The following DMD variants were observed in gnomAD, a reference collection of about 807,000 sequenced individuals.
The protein encoded by DMD is mutant dystrophin.
Under a neutral mutation model 330.1 loss-of-function variants are expected in DMD, and 63 were observed. The ratio of observed to expected loss-of-function variants is 0.19; its 90% CI spans 0.16 to 0.24. DMD has a LOEUF of 0.24. DMD is among the 10% of genes least tolerant of loss of function. DMD has a pLI of 1.00. For missense variants in DMD, 3,344 were observed against 2,684.1 expected (o/e 1.25, Z -5.43); for synonymous variants, 1,223 against 959.8 (o/e 1.27, Z -5.07).
intron 34 of DMD, among the ~76,000 whole-genome samples, chrX:32,374,726 T>C (rs1240378847): frequency 1.8e-5 from 2 of 111,565 alleles, no homozygotes; most frequent in African/African-American, 6.5e-5. Flanking sequence ...ATATTTTAAG[T>C]GGGGCAATGT....
At chrX:32,942,313 C>T (rs1419773072) in intron 2 of DMD, among the ~76,000 whole-genome samples, 1 of 112,036 alleles carries the variant, frequency 8.9e-6, no homozygotes, top group Non-Finnish European at 1.9e-5. Flanking sequence ...GAGGCCGAGG[C>T]GGGTGGATCA....
At chrX:33,220,943 A>G (rs1408839831) in intron 1 of DMD, among the ~76,000 whole-genome samples, 1 of 111,883 alleles carries the variant, frequency 8.9e-6, no homozygotes, top group Admixed American at 9.5e-5. Flanking sequence ...GTTTAGTGAT[A>G]TCAGTTGGAA....
intron 7 of DMD, among the ~76,000 whole-genome samples, chrX:32,701,457 C>T (rs992441585): frequency 9.0e-6 from 1 of 111,653 alleles, no homozygotes; most frequent in African/African-American, 3.2e-5. Context: ...ATCTTACAAA[C>T]TTAGCTTTGG....
intron 29 of DMD, among the ~76,000 whole-genome samples, chrX:32,417,798 T>G (rs986161511): frequency 7.5e-5 from 8 of 106,545 alleles, no homozygotes; most frequent in Non-Finnish European, 7.7e-5. Context: ...GTACCCCAAA[T>G]AAACCCGAAC....
intron 47 of DMD, among the ~76,000 whole-genome samples, chrX:31,915,364 C>T (rs185905688): frequency 8.9e-5 from 10 of 112,068 alleles, no homozygotes; most frequent in South Asian, 7.4e-4. Context: ...GCAGAGACTA[C>T]GTACCTAGGC....
intron 41 of DMD, 35 bp downstream of exon 41, chrX:32,342,065 C>A (rs767821990): frequency 4.2e-5 from 50 of 1,183,849 alleles, no homozygotes; most frequent in Non-Finnish European, 5.4e-5. Context: ...GTAGTAGTTG[C>A]AAACACATAC....
At chrX:32,864,476 A>G (rs762281464) in intron 2 of DMD, among the ~76,000 whole-genome samples, 5 of 112,405 alleles carry the variant, frequency 4.4e-5, no homozygotes, top group Admixed American at 9.5e-5. Flanking sequence ...ATAGTTTAAT[A>G]TATCTTTTCT....
At chrX:32,622,662 G>C (rs1388818266) in intron 11 of DMD, among the ~76,000 whole-genome samples, 1 of 111,683 alleles carries the variant, frequency 9.0e-6, no homozygotes, top group African/African-American at 3.3e-5. Flanking sequence ...AAGCTCTCCA[G>C]TTTGCTGTAG....
intron 43 of DMD, among the ~76,000 whole-genome samples, chrX:32,268,223 G>T (rs180896032): frequency 6.3e-5 from 7 of 111,368 alleles, no homozygotes; most frequent in Admixed American, 5.7e-4. Context: ...GGACACTCCA[G>T]GGTACTCTGG....
chrX:31,654,004 A>G (rs925326466), intron 54 of DMD, among the ~76,000 whole-genome samples: 1 of 111,853 alleles, frequency 8.9e-6, no homozygotes, highest in African/African-American at 3.2e-5. Flanking sequence ...TTTATTCTAT[A>G]TAAAATGGCA....
At chrX:31,543,324 C>A (rs2404687) in intron 55 of DMD, among the ~76,000 whole-genome samples, 9,008 of 110,604 alleles carry the variant, frequency 0.081, 283 homozygotes, top group East Asian at 0.13. Context: ...GTGCCCACCA[C>A]CACTCCTAGC....
chrX:31,141,524 G>C (rs1439364572), intron 76 of DMD, among the ~76,000 whole-genome samples: 1 of 111,960 alleles, frequency 8.9e-6, no homozygotes, highest in African/African-American at 3.2e-5. Context: ...GGTAACACAT[G>C]ATGAGGGCTA....
intron 11 of DMD, among the ~76,000 whole-genome samples, chrX:32,622,925 A>G (rs1490144480): frequency 8.9e-6 from 1 of 111,810 alleles, no homozygotes; most frequent in Admixed American, 9.6e-5. Flanking sequence ...TTGAATGACA[A>G]CATTCCAGGT....
chrX:31,633,779 T>C (rs1157488480), intron 54 of DMD, among the ~76,000 whole-genome samples: 1 of 112,221 alleles, frequency 8.9e-6, no homozygotes, highest in African/African-American at 3.2e-5. Context: ...TAACAAAAGT[T>C]TGCCTAACTA....
Position 32,746,264 on chromosome X carries a change from A to C in DMD, c.650-46971T>G, listed in dbSNP as rs150012585. Among the ~76,000 whole-genome samples, 390 of 112,444 alleles carry C rather than the reference A, an allele frequency of 3.5e-3. 3 individuals carry two copies. In the East Asian group the frequency reaches 0.038, roughly 11 times the overall value. On this transcript the variant is annotated intron_variant, in intron 7 of 78. Transcript: ENST00000357033. ...ACGTTCTATCTGGAGTCAAGCTTTC[A>C]TACAAGAATCATAGACATACTTCAA...
intron 45 of DMD, among the ~76,000 whole-genome samples, chrX:31,932,768 GTACATACA>G (rs201834881): frequency 3.6e-5 from 4 of 111,342 alleles, no homozygotes; most frequent in Non-Finnish European, 7.6e-5. Context: ...ACATACGTAC[GTACATACA>G]TACATACATA....
At chrX:32,327,579 A>G (rs2097657641) in intron 41 of DMD, among the ~76,000 whole-genome samples, 1 of 111,766 alleles carries the variant, frequency 8.9e-6, no homozygotes, top group Admixed American at 9.6e-5. Context: ...ATTACGCTCA[A>G]TTCTTTTTTA....
chrX:32,575,363 T>C (rs1024797399), intron 13 of DMD, among the ~76,000 whole-genome samples: 1 of 112,532 alleles, frequency 8.9e-6, no homozygotes, highest in Non-Finnish European at 1.9e-5. Context: ...ATAAGTGAGT[T>C]TTCAGTTTTT....
intron 1 of DMD, among the ~76,000 whole-genome samples, chrX:33,264,313 CGA>C (rs1213146483): frequency 9.0e-6 from 1 of 111,041 alleles, no homozygotes; most frequent in Non-Finnish European, 1.9e-5. Context: ...GAGTAGGTGA[CGA>C]AGATGGTGCT....
Sources: gnomAD v4.1 joint callset for allele counts (sites outside exome capture counted in the v4.1 genomes callset) on GRCh38, gnomAD v4.1.1 for gene constraint, MANE v1.5 for transcripts, NCBI Gene and HGNC (gene_info 2026-07-23, HGNC 2026-07-21) for gene names.